Variants in CDH4 observed in about 807,000 individuals in gnomAD.
CDH4 encodes cadherin-4.
Under a neutral mutation model 86.0 loss-of-function variants are expected in CDH4, and 33 were observed. The observed-to-expected ratio is 0.38, with a 90% confidence interval of 0.29 to 0.51. The LOEUF (loss-of-function observed/expected upper bound fraction) is 0.51, where lower values mean the gene tolerates loss of function less well. Ranked by LOEUF, CDH4 falls within the 20% of genes least tolerant of loss-of-function variation. CDH4 has a pLI of 0.86. For missense variants in CDH4, 1,114 were observed against 1,307.4 expected (o/e 0.85, Z 2.28); for synonymous variants, 555 against 549.4 (o/e 1.01, Z -0.14).
chr20:61,343,230 C>A (rs545441819), intron 2 of CDH4, among the ~76,000 whole-genome samples: 2 of 152,116 alleles, frequency 1.3e-5, no homozygotes, highest in Non-Finnish European at 2.9e-5. Flanking sequence ...ACTTAGCATG[C>A]GTAATGTGGA....
At chr20:61,276,746 C>T (rs550143421) in intron 2 of CDH4, among the ~76,000 whole-genome samples, 5 of 152,178 alleles carry the variant, frequency 3.3e-5, no homozygotes, top group East Asian at 3.8e-4. Flanking sequence ...AAGAACTCCA[C>T]GGGGTCAGGG....
chr20:61,523,211 C>A (rs1170809691), intron 2 of CDH4, among the ~76,000 whole-genome samples: 1 of 152,232 alleles, frequency 6.6e-6, no homozygotes, highest in African/African-American at 2.4e-5. Flanking sequence ...CTCATTGCTG[C>A]TGGAGCTTTC....
chr20:61,365,803 A>G (rs28418498), intron 2 of CDH4, among the ~76,000 whole-genome samples: 122,374 of 151,896 alleles, frequency 0.81, 49,366 homozygotes, highest in South Asian at 0.9. Flanking sequence ...GCCTTTGAGA[A>G]CGCTCAGATC....
At chr20:61,387,323 CACAA>C (rs941920006) in intron 2 of CDH4, among the ~76,000 whole-genome samples, 7 of 151,858 alleles carry the variant, frequency 4.6e-5, no homozygotes, top group African/African-American at 9.7e-5. Flanking sequence ...CACACAGCCA[CACAA>C]ACACACACAG....
intron 3 of CDH4, among the ~76,000 whole-genome samples, chr20:61,745,991 C>A (rs2088409825): frequency 1.3e-5 from 2 of 151,968 alleles, no homozygotes; most frequent in African/African-American, 2.4e-5. Flanking sequence ...TGCCTCGACC[C>A]ACACCAGGCT....
chr20:61,555,914 T>A (rs2086173854), intron 2 of CDH4, among the ~76,000 whole-genome samples: 1 of 152,228 alleles, frequency 6.6e-6, no homozygotes, highest in South Asian at 2.1e-4. Flanking sequence ...ATGTCTTCCC[T>A]ATGGGGACAG....
chr20:61,822,055 C>T (rs546236227), intron 4 of CDH4, among the ~76,000 whole-genome samples: 37 of 152,332 alleles, frequency 2.4e-4, no homozygotes, highest in Admixed American at 2.4e-3. Flanking sequence ...TTTTGTTTTT[C>T]CTTCTTTAGG....
intron 2 of CDH4, among the ~76,000 whole-genome samples, chr20:61,463,098 T>C (rs2085453343): frequency 6.6e-6 from 1 of 152,230 alleles, no homozygotes; most frequent in Non-Finnish European, 1.5e-5. Context: ...GGAGTCTCCC[T>C]GCACAAACTC....
chr20:61,734,116 G>T (rs1035772595), intron 2 of CDH4, among the ~76,000 whole-genome samples: 4 of 152,300 alleles, frequency 2.6e-5, no homozygotes, highest in African/African-American at 9.6e-5. Context: ...TCCTCTGTGG[G>T]TGCGCGATGC....
At chr20:61,303,918 G>A (rs988144333) in intron 2 of CDH4, among the ~76,000 whole-genome samples, 1 of 152,174 alleles carries the variant, frequency 6.6e-6, no homozygotes, top group African/African-American at 2.4e-5. Flanking sequence ...TAGGCAACAC[G>A]TGCACCTCCT....
chr20:61,454,682 T>C (rs1409472030), intron 2 of CDH4, among the ~76,000 whole-genome samples: 1 of 152,192 alleles, frequency 6.6e-6, no homozygotes, highest in Non-Finnish European at 1.5e-5. Flanking sequence ...CCTGACCTCG[T>C]GATCCGCCCA....
At chr20:61,743,201 G>T (rs999989028) in intron 2 of CDH4, among the ~76,000 whole-genome samples, 2 of 152,218 alleles carry the variant, frequency 1.3e-5, no homozygotes, top group African/African-American at 4.8e-5. Flanking sequence ...CAAGAGTGGG[G>T]GGAACTGAGG....
intron 2 of CDH4, among the ~76,000 whole-genome samples, chr20:61,545,175 A>G (rs2086068937): frequency 6.6e-6 from 1 of 152,234 alleles, no homozygotes; most frequent in Admixed American, 6.5e-5. Context: ...CATCGGGACA[A>G]CGTGGCTGTT....
At chr20:61,897,698 C>T (rs995945990) in intron 8 of CDH4, among the ~76,000 whole-genome samples, 3 of 152,216 alleles carry the variant, frequency 2.0e-5, no homozygotes, top group Non-Finnish European at 4.4e-5. Context: ...AGAGAGGCGT[C>T]TCTGTGCTTT....
At chr20:61,780,490 A>G (rs1978480212) in intron 4 of CDH4, among the ~76,000 whole-genome samples, 1 of 152,198 alleles carries the variant, frequency 6.6e-6, no homozygotes, top group South Asian at 2.1e-4. Context: ...ACATGTCGTT[A>G]AACACTCATT....
At chr20:61,590,015 G>A (rs2086506627) in intron 2 of CDH4, among the ~76,000 whole-genome samples, 1 of 151,944 alleles carries the variant, frequency 6.6e-6, no homozygotes, top group South Asian at 2.1e-4. Flanking sequence ...CAGGCAGGGT[G>A]AGCACACAGG....
At chr20:61,410,180 A>G (rs977876429) in intron 2 of CDH4, among the ~76,000 whole-genome samples, 1 of 152,214 alleles carries the variant, frequency 6.6e-6, no homozygotes. Context: ...TATTAGGGAA[A>G]AGAAGAGTAA....
chr20:61,312,335 ATATG>A (rs1311455225), intron 2 of CDH4, among the ~76,000 whole-genome samples: 3 of 145,354 alleles, frequency 2.1e-5, no homozygotes, highest in African/African-American at 7.8e-5. Flanking sequence ...GTGTGTGTGT[ATATG>A]TGTGCGATGT....
intron 2 of CDH4, among the ~76,000 whole-genome samples, chr20:61,627,110 C>T (rs1177439001): frequency 1.3e-5 from 2 of 151,978 alleles, no homozygotes; most frequent in Non-Finnish European, 1.5e-5. Flanking sequence ...ATCAGCTCAG[C>T]GGCTTCTGGG....
Sources: allele counts gnomAD v4.1 joint callset (sites outside exome capture counted in the v4.1 genomes callset), GRCh38; gene constraint gnomAD v4.1.1; transcripts MANE v1.5; gene names NCBI Gene and HGNC (gene_info 2026-07-23, HGNC 2026-07-21).